The following DNAJC6 variants were observed in gnomAD, a reference collection of about 807,000 sequenced individuals.
The protein encoded by DNAJC6 is auxilin.
DNAJC6 carries 34 observed loss-of-function variants against 110.0 expected under a neutral mutation model. That is an observed-to-expected ratio of 0.31 (90% CI 0.24 to 0.41). DNAJC6 has a LOEUF of 0.41. DNAJC6 is among the 10% of genes least tolerant of loss of function. The pLI, the probability that DNAJC6 is intolerant of heterozygous loss-of-function variation, is 1.00. For missense variants in DNAJC6, 1,031 were observed against 1,207.8 expected, an observed-to-expected ratio of 0.85 and a Z score of 2.17; for synonymous variants, 406 against 437.2, an observed-to-expected ratio of 0.93 and a Z score of 0.89.
Position 65,414,019 on chromosome 1 carries a change from T to C in DNAJC6, c.*994T>C, listed in dbSNP as rs957059373. On this transcript the variant is annotated 3_prime_UTR_variant, in exon 19 of 19. Coordinates refer to ENST00000371069, the MANE Select transcript of DNAJC6 (RefSeq NM_001256864.2). ...TAAGAGAATGGAAGGCAACACTGAA[T>C]AGGAGTTAAGGGAATGGCACGATCA... The C allele has an allele frequency of 1.3e-5, 2 of 152,162 alleles. No individual in the cohort carries two copies. The highest frequency in any genetic ancestry group is 4.8e-5 in the African/African-American group (2 of 41,412). 9.4% of individuals were successfully genotyped at this position (152,162 alleles called of 1,614,324 possible).
chr1:65,372,634 T>C (rs886372040), intron 4 of DNAJC6, among the ~76,000 whole-genome samples: 1 of 152,108 alleles, frequency 6.6e-6, no homozygotes, highest in African/African-American at 2.4e-5. Flanking sequence ...CACTAGATAA[T>C]TGAGGCCTGG....
At chr1:65,368,733 T>TCTCCTTCTTCTTCTC in intron 4 of DNAJC6, among the ~76,000 whole-genome samples, 1 of 20,452 alleles carries the variant, frequency 4.9e-5, no homozygotes, top group Non-Finnish European at 6.9e-5. Flanking sequence ...TTCTTCTTCT[T>TCTCCTTCTTCTTCTC]CTTCCCCCTC....
chr1:65,400,087 G>A (rs1646016371), intron 14 of DNAJC6, among the ~76,000 whole-genome samples: 1 of 152,054 alleles, frequency 6.6e-6, no homozygotes, highest in African/African-American at 2.4e-5. Context: ...GGCTGAGATG[G>A]GAGAATTACT....
intron 1 of DNAJC6, among the ~76,000 whole-genome samples, chr1:65,316,025 T>C (rs751941895): frequency 2.6e-5 from 4 of 152,178 alleles, no homozygotes; most frequent in Non-Finnish European, 5.9e-5. Flanking sequence ...CAGCATTGAA[T>C]AAAGCTGATT....
At chr1:65,279,067 A>G in intron 1 of DNAJC6, 4 of 985,458 alleles carry the variant, frequency 4.1e-6, no homozygotes, top group Non-Finnish European at 4.8e-6. Flanking sequence ...TTGACTGCAT[A>G]TGCTGAGAAA....
chr1:65,380,358 T>G (rs796589421), intron 5 of DNAJC6, among the ~76,000 whole-genome samples: 11 of 152,224 alleles, frequency 7.2e-5, no homozygotes, highest in African/African-American at 2.7e-4. Flanking sequence ...TTAGTGTATA[T>G]GTTTTTGCTA....
intron 1 of DNAJC6, among the ~76,000 whole-genome samples, chr1:65,326,890 G>A (rs138567177): frequency 1.9e-4 from 29 of 152,234 alleles, no homozygotes; most frequent in African/African-American, 5.3e-4. Flanking sequence ...ATTTGTGTGC[G>A]TCTCATCCAA....
chr1:65,413,386 G>T lies in DNAJC6; in HGVS notation c.*361G>T, dbSNP rs921214697. The T allele has an allele frequency of 5.8e-6, 1 of 173,620 alleles. No homozygotes were observed. Among genetic ancestry groups the T allele is most frequent in the African/African-American group, 2.4e-5 (1 of 41,900 alleles). 10.8% of individuals were successfully genotyped at this position (173,620 alleles called of 1,614,324 possible). On this transcript the variant is annotated 3_prime_UTR_variant, in exon 19 of 19. Transcript: ENST00000371069. ...CACATTGTCTGAGAATAGGATTAATGAGCAAAAGTTATGATAATAGAGTTA... is the reference window on the plus strand; with the variant it reads ...CACATTGTCTGAGAATAGGATTAATTAGCAAAAGTTATGATAATAGAGTTA...
intron 8 of DNAJC6, among the ~76,000 whole-genome samples, chr1:65,387,861 C>T (rs1252920870): frequency 6.6e-6 from 1 of 152,196 alleles, no homozygotes; most frequent in Admixed American, 6.5e-5. Flanking sequence ...GACTATGTCT[C>T]TGCCTTTAAG....
At chr1:65,314,562 T>C (rs1037974574) in intron 1 of DNAJC6, among the ~76,000 whole-genome samples, 1 of 152,232 alleles carries the variant, frequency 6.6e-6, no homozygotes, top group African/African-American at 2.4e-5. Flanking sequence ...TGATCCCGGC[T>C]CACTGCAACC....
At chr1:65,412,196 G>A (rs1313742796) in intron 18 of DNAJC6, among the ~76,000 whole-genome samples, 1 of 152,166 alleles carries the variant, frequency 6.6e-6, no homozygotes, top group Non-Finnish European at 1.5e-5. Flanking sequence ...CATTGATTAT[G>A]TCAGTTTATG....
chr1:65,392,682 C>A lies in DNAJC6; in HGVS notation c.1720C>A (p.Pro574Thr). Residue 574 changes from proline to threonine, a missense_variant, in exon 12 of 19, where the codon CCT (proline) becomes ACT (threonine). By Grantham distance (38) the Pro-to-Thr change is conservative (BLOSUM62 -1). Coordinates refer to ENST00000371069, the MANE Select transcript of DNAJC6 (RefSeq NM_001256864.2). ...MSNSFSPPAA[P>T]PTNSELLSDL... is the part of the protein sequence containing the mutation. ...TAACAGCTTCTCTCCGCCAGCGGCTCCTCCCACCAATTCTGAACTACTGAG... is the reference window on the plus strand; with the variant it reads ...TAACAGCTTCTCTCCGCCAGCGGCTACTCCCACCAATTCTGAACTACTGAG... 6.2e-7 allele frequency: 1 copy of A among 1,612,724 alleles called. No individual in the cohort carries two copies. The highest frequency in any genetic ancestry group is 8.5e-7 in the Non-Finnish European group (1 of 1,179,380).
At chr1:65,288,537 A>G (rs1330476027) in intron 1 of DNAJC6, among the ~76,000 whole-genome samples, 2 of 152,210 alleles carry the variant, frequency 1.3e-5, no homozygotes, top group Non-Finnish European at 2.9e-5. Context: ...TGCCCAAAGA[A>G]CATTGAATTT....
chr1:65,299,144 G>T (rs1557505695), intron 1 of DNAJC6, among the ~76,000 whole-genome samples: 1 of 152,108 alleles, frequency 6.6e-6, no homozygotes, highest in Non-Finnish European at 1.5e-5. Flanking sequence ...CTAATAGAAA[G>T]TAAAAAGATA....
chr1:65,347,663 C>T (rs1645449982), intron 1 of DNAJC6, among the ~76,000 whole-genome samples: 1 of 151,840 alleles, frequency 6.6e-6, no homozygotes, highest in South Asian at 2.1e-4. Context: ...GAATTCATGT[C>T]TCTGCTTTTT....
intron 1 of DNAJC6, among the ~76,000 whole-genome samples, chr1:65,316,048 G>A (rs957737620): frequency 6.6e-6 from 1 of 152,066 alleles, no homozygotes; most frequent in Non-Finnish European, 1.5e-5. Context: ...GACTTGATAC[G>A]GCACTGAGAG....
At chr1:65,355,494 C>T (rs1348532852) in intron 1 of DNAJC6, among the ~76,000 whole-genome samples, 2 of 152,122 alleles carry the variant, frequency 1.3e-5, no homozygotes, top group Non-Finnish European at 2.9e-5. Context: ...GGATGCTACA[C>T]ATGCCCCTGC....
chr1:65,376,690 G>A (rs1645769481), intron 4 of DNAJC6, among the ~76,000 whole-genome samples: 2 of 151,422 alleles, frequency 1.3e-5, no homozygotes, highest in African/African-American at 4.8e-5. Flanking sequence ...GTTTCCTTTT[G>A]TTATTTAGTT....
chr1:65,365,400 A>G (rs968460687), intron 2 of DNAJC6, among the ~76,000 whole-genome samples: 4 of 152,182 alleles, frequency 2.6e-5, no homozygotes, highest in Non-Finnish European at 5.9e-5. Context: ...AGAAATTCAA[A>G]CGTCAAGTAC....
Sources: gnomAD v4.1 joint callset for allele counts (sites outside exome capture counted in the v4.1 genomes callset) on GRCh38, gnomAD v4.1.1 for gene constraint, MANE v1.5 for transcripts, NCBI Gene and HGNC (gene_info 2026-07-23, HGNC 2026-07-21) for gene names.